UBE3A: variants seen among roughly 807,000 people sequenced by gnomAD.
The protein encoded by UBE3A is ubiquitin-protein ligase E3A.
A neutral mutation model predicts 83.4 loss-of-function variants in UBE3A; 6 were observed. That is an observed-to-expected ratio of 0.07 (90% CI 0.04 to 0.14). UBE3A has a LOEUF of 0.14. UBE3A is among the 10% of genes least tolerant of loss of function. The probability of loss-of-function intolerance (pLI) is 1.00; values close to 1 mark genes in which losing one functional copy is unlikely to be tolerated. For missense variants in UBE3A, 456 were observed against 1,036.1 expected (o/e 0.44, Z 7.69); for synonymous variants, 337 against 355.4 (o/e 0.95, Z 0.58).
intron 1 of UBE3A, among the ~76,000 whole-genome samples, chr15:25,414,235 C>G (rs997704660): frequency 2.0e-5 from 3 of 152,134 alleles, no homozygotes; most frequent in African/African-American, 7.2e-5. Context: ...TGGTGCCATT[C>G]ATTACTTTCT....
Position 25,339,063 on chromosome 15 carries a change from A to T in UBE3A, c.*74T>A. 1 of 1,434,666 alleles carries T rather than the reference A, an allele frequency of 7.0e-7. No homozygotes were observed. The allele number at this position is 1,434,666 out of a possible 1,614,324, so 88.9% of individuals were successfully genotyped here. A position where few individuals can be genotyped will look rare whatever the true frequency, so the allele number is the denominator to read the frequency against. ...CACCACCAAAAATTTATCCCTCGTTATATTTTTAAAATTTTTTAAATTTTT... is the reference window on the plus strand; with the variant it reads ...CACCACCAAAAATTTATCCCTCGTTTTATTTTTAAAATTTTTTAAATTTTT... On this transcript the variant is annotated 3_prime_UTR_variant, in exon 13 of 13. Transcript: ENST00000648336.
chr15:25,379,187 T>C (rs1476731084), intron 4 of UBE3A, among the ~76,000 whole-genome samples: 1 of 152,188 alleles, frequency 6.6e-6, no homozygotes. Context: ...TGTGTTAATA[T>C]ATATAAAGTG....
chr15:25,407,297 C>A, intron 3 of UBE3A: 1 of 1,033,534 alleles, frequency 9.7e-7, no homozygotes, highest in Non-Finnish European at 1.2e-6. Context: ...AGTTTTCAAA[C>A]ACGTAGGCAG....
chr15:25,348,715 T>C (rs1425388776), intron 11 of UBE3A, among the ~76,000 whole-genome samples: 2 of 152,128 alleles, frequency 1.3e-5, no homozygotes, highest in African/African-American at 4.8e-5. Flanking sequence ...ATACCACTAA[T>C]AGCATTAGAA....
At chr15:25,423,618 A>G (rs924832476) in intron 1 of UBE3A, among the ~76,000 whole-genome samples, 8 of 152,188 alleles carry the variant, frequency 5.3e-5, no homozygotes, top group Admixed American at 5.2e-4. Flanking sequence ...TTTCTCAAGG[A>G]CAATTTTTCA....
intron 1 of UBE3A, among the ~76,000 whole-genome samples, chr15:25,424,483 G>T (rs1172813828): frequency 6.6e-6 from 1 of 151,924 alleles, no homozygotes. Context: ...CTATCTTTAT[G>T]ATCTCTTTTT....
chr15:25,372,256 TAAG>T (rs1429933775), intron 5 of UBE3A, among the ~76,000 whole-genome samples: 1 of 152,164 alleles, frequency 6.6e-6, no homozygotes, highest in African/African-American at 2.4e-5. Context: ...CTCCAAAGAC[TAAG>T]AAGGCAAGGT....
intron 1 of UBE3A, 150 bp downstream of exon 1, chr15:25,438,339 A>C (rs1895791109): frequency 6.6e-6 from 1 of 152,408 alleles, no homozygotes; most frequent in Non-Finnish European, 1.5e-5. Context: ...TTCTGGCACC[A>C]GCCCCTTCGG....
chr15:25,400,469 G>A (rs971478547), intron 4 of UBE3A, among the ~76,000 whole-genome samples: 1 of 152,136 alleles, frequency 6.6e-6, no homozygotes, highest in African/African-American at 2.4e-5. Flanking sequence ...TATTTTTATT[G>A]TTGTATTTTT....
intron 11 of UBE3A, among the ~76,000 whole-genome samples, chr15:25,341,393 T>A (rs1422644616): frequency 6.6e-6 from 1 of 151,382 alleles, no homozygotes; most frequent in African/African-American, 2.4e-5. Context: ...ATGTTAAGAT[T>A]AAAAAATTAA....
chr15:25,435,017 C>T (rs1302779545), intron 1 of UBE3A, among the ~76,000 whole-genome samples: 1 of 115,094 alleles, frequency 8.7e-6, no homozygotes, highest in Non-Finnish European at 1.8e-5. Context: ...CACACACACA[C>T]ACAAATACTA....
chr15:25,394,335 GGAAATAGAT>G (rs1392955939), intron 4 of UBE3A, among the ~76,000 whole-genome samples: 1 of 152,044 alleles, frequency 6.6e-6, no homozygotes, highest in Non-Finnish European at 1.5e-5. Context: ...GACCTTGAAG[GGAAATAGAT>G]GTCAGACTAC....
At chr15:25,351,073 C>T (rs1053190456) in intron 11 of UBE3A, among the ~76,000 whole-genome samples, 8 of 152,178 alleles carry the variant, frequency 5.3e-5, no homozygotes, top group Admixed American at 6.5e-5. Flanking sequence ...AACATCGACA[C>T]CACCATTATT....
At chr15:25,345,571 C>CAT (rs1188747776) in intron 11 of UBE3A, 1 of 150,924 alleles carries the variant, frequency 6.6e-6, no homozygotes, top group African/African-American at 2.5e-5. Context: ...TTCACTCACA[C>CAT]ACACACACAC....
In UBE3A at chr15:25,390,752, A is replaced by G. The variant is rs186590686; in HGVS notation, c.62+14709T>C. Among the ~76,000 whole-genome samples, 556 of 152,258 alleles carry G rather than the reference A, an allele frequency of 3.7e-3. 7 individuals are homozygous for G. The highest frequency in any genetic ancestry group is 3.6e-3 in the Non-Finnish European group (248 of 68,010). ...AGCCACAGAACGTACAGCACTAAGAATGATCCCTAATATAAACTACGGACT... is the reference window on the plus strand; with the variant it reads ...AGCCACAGAACGTACAGCACTAAGAGTGATCCCTAATATAAACTACGGACT... On this transcript the variant is annotated intron_variant, in intron 4 of 12. Coordinates refer to ENST00000648336, the MANE Select transcript of UBE3A (RefSeq NM_130839.5).
intron 12 of UBE3A, chr15:25,339,763 C>T (rs367657441): frequency 2.4e-5 from 9 of 369,088 alleles, no homozygotes; most frequent in East Asian, 1.3e-4. Context: ...GATAATCTTC[C>T]GAGCCTCAAT....
At chr15:25,434,250 C>G (rs1016572794) in intron 1 of UBE3A, among the ~76,000 whole-genome samples, 1 of 151,848 alleles carries the variant, frequency 6.6e-6, no homozygotes, top group African/African-American at 2.4e-5. Context: ...CAAAAGCTGG[C>G]AAAGAAACTG....
chr15:25,366,388 A>C (rs1403207616), intron 6 of UBE3A, among the ~76,000 whole-genome samples: 1 of 152,152 alleles, frequency 6.6e-6, no homozygotes, highest in African/African-American at 2.4e-5. Context: ...GGAAGCTGGG[A>C]GCTGAAAATG....
At chr15:25,417,287 T>C (rs1887373336) in intron 1 of UBE3A, among the ~76,000 whole-genome samples, 1 of 151,978 alleles carries the variant, frequency 6.6e-6, no homozygotes, top group African/African-American at 2.4e-5. Context: ...CTAGACAAAC[T>C]CCAATGTAGC....
Sources: allele counts gnomAD v4.1 joint callset (sites outside exome capture counted in the v4.1 genomes callset), GRCh38; gene constraint gnomAD v4.1.1; transcripts MANE v1.5; gene names NCBI Gene and HGNC (gene_info 2026-07-23, HGNC 2026-07-21).